CARMIL1: variants seen among roughly 807,000 people sequenced by gnomAD.
CARMIL1 encodes capping protein regulator and myosin 1 linker 1.
A neutral mutation model predicts 177.1 loss-of-function variants in CARMIL1; 90 were observed. The ratio of observed to expected loss-of-function variants is 0.51; its 90% CI spans 0.43 to 0.61. The LOEUF (loss-of-function observed/expected upper bound fraction) is 0.61, where lower values mean the gene tolerates loss of function less well. Among genes scored for constraint, CARMIL1 ranks in the 20% least tolerant of loss-of-function variants. The probability of loss-of-function intolerance (pLI) is 0.00; values close to 1 mark genes in which losing one functional copy is unlikely to be tolerated. For synonymous variants in CARMIL1, 577 were observed against 606.2 expected (o/e 0.95, Z 0.71); for missense variants, 1,380 against 1,667.0 (o/e 0.83, Z 3.00).
intron 35 of CARMIL1, among the ~76,000 whole-genome samples, chr6:25,607,629 T>C (rs1048262816): frequency 1.3e-5 from 2 of 152,200 alleles, no homozygotes; most frequent in African/African-American, 2.4e-5. Flanking sequence ...GATGCACAGC[T>C]CATCCTAATA....
At chr6:25,553,551 A>G (rs1810330316) in intron 27 of CARMIL1, among the ~76,000 whole-genome samples, 1 of 152,218 alleles carries the variant, frequency 6.6e-6, no homozygotes, top group African/African-American at 2.4e-5. Flanking sequence ...CAGTTATGGT[A>G]TCATTTGATT....
At chr6:25,349,558 T>C (rs1787892898) in intron 2 of CARMIL1, among the ~76,000 whole-genome samples, 1 of 152,080 alleles carries the variant, frequency 6.6e-6, no homozygotes, top group Non-Finnish European at 1.5e-5. Flanking sequence ...ACTAAAAGGT[T>C]TTCCAGAAAA....
At chr6:25,403,176 T>A (rs1182960905) in intron 2 of CARMIL1, among the ~76,000 whole-genome samples, 4 of 152,004 alleles carry the variant, frequency 2.6e-5, no homozygotes, top group Non-Finnish European at 5.9e-5. Flanking sequence ...TGAATTGCTA[T>A]GTAATTATTT....
intron 31 of CARMIL1, among the ~76,000 whole-genome samples, chr6:25,586,698 A>C (rs1813747349): frequency 6.6e-6 from 1 of 152,184 alleles, no homozygotes. Context: ...TCCGTCTGCA[A>C]TCCCGGCACC....
chr6:25,495,504 T>G (rs1803613369), intron 16 of CARMIL1, among the ~76,000 whole-genome samples: 1 of 151,884 alleles, frequency 6.6e-6, no homozygotes, highest in African/African-American at 2.4e-5. Context: ...TATATTAACC[T>G]CTGTTCATTC....
At chr6:25,354,221 G>A (rs75352650) in intron 2 of CARMIL1, among the ~76,000 whole-genome samples, 8,523 of 151,766 alleles carry the variant, frequency 0.056, 280 homozygotes, top group Non-Finnish European at 0.088. Flanking sequence ...GTGCAGTGAT[G>A]TGATCATAGC....
At chr6:25,357,684 C>T (rs945549698) in intron 2 of CARMIL1, among the ~76,000 whole-genome samples, 4 of 152,174 alleles carry the variant, frequency 2.6e-5, no homozygotes, top group Admixed American at 6.5e-5. Flanking sequence ...GCAGTTTACT[C>T]CATCATGAGT....
chr6:25,303,669 CTG>C (rs1172521714), intron 2 of CARMIL1, among the ~76,000 whole-genome samples: 1 of 152,232 alleles, frequency 6.6e-6, no homozygotes, highest in Non-Finnish European at 1.5e-5. Context: ...CAAAGGGACT[CTG>C]TTTTAGAATT....
chr6:25,572,728 G>T (rs1423983830), intron 29 of CARMIL1, among the ~76,000 whole-genome samples: 1 of 127,404 alleles, frequency 7.8e-6, no homozygotes, highest in East Asian at 2.7e-4. Flanking sequence ...AAAAAAAAAA[G>T]GTGGACATCA....
chr6:25,587,868 A>G (rs1342848716), intron 31 of CARMIL1, among the ~76,000 whole-genome samples: 1 of 152,242 alleles, frequency 6.6e-6, no homozygotes, highest in Non-Finnish European at 1.5e-5. Context: ...CTCAGGTACC[A>G]GAATGTGCCA....
At chr6:25,570,596 G>T (rs1255604746) in intron 29 of CARMIL1, among the ~76,000 whole-genome samples, 1 of 152,184 alleles carries the variant, frequency 6.6e-6, no homozygotes, top group Non-Finnish European at 1.5e-5. Context: ...AAACTGTGCA[G>T]ATCTGGAAAA....
At chr6:25,586,394 A>G (rs1288336234) in intron 31 of CARMIL1, among the ~76,000 whole-genome samples, 8 of 131,146 alleles carry the variant, frequency 6.1e-5, no homozygotes, top group African/African-American at 1.5e-4. Flanking sequence ...ATCTCAGACA[A>G]TGGGCGGCCA....
intron 2 of CARMIL1, among the ~76,000 whole-genome samples, chr6:25,314,299 C>A (rs1784086207): frequency 7.1e-6 from 1 of 140,352 alleles, no homozygotes; most frequent in Non-Finnish European, 1.6e-5. Context: ...ATGGTGAAAC[C>A]CTGTCTCTAC....
At chr6:25,525,278 G>A (rs537901680) in intron 23 of CARMIL1, among the ~76,000 whole-genome samples, 14 of 152,248 alleles carry the variant, frequency 9.2e-5, no homozygotes, top group South Asian at 2.1e-4. Context: ...TAAGAATTAC[G>A]TCACTCTTTT....
intron 8 of CARMIL1, among the ~76,000 whole-genome samples, chr6:25,459,264 T>TTCTTTCTTTCTTTCTTTCTTTC (rs1562167758): frequency 8.1e-6 from 1 of 123,400 alleles, no homozygotes; most frequent in African/African-American, 3.1e-5. Flanking sequence ...CTTTCTTTCT[T>TTCTTTCTTTCTTTCTTTCTTTC]TCTTTTTTTT....
intron 22 of CARMIL1, among the ~76,000 whole-genome samples, chr6:25,518,566 C>A (rs1436853704): frequency 2.0e-5 from 3 of 152,182 alleles, no homozygotes; most frequent in East Asian, 1.9e-4. Flanking sequence ...TACAGACCCA[C>A]CTATGGTTAC....
intron 2 of CARMIL1, among the ~76,000 whole-genome samples, chr6:25,408,337 G>A (rs1794594673): frequency 6.7e-6 from 1 of 150,006 alleles, no homozygotes; most frequent in Non-Finnish European, 1.5e-5. Flanking sequence ...AGAGTGGGAT[G>A]CCTGAATTAG....
At chr6:25,371,744 A>G (rs946970894) in intron 2 of CARMIL1, among the ~76,000 whole-genome samples, 2 of 152,072 alleles carry the variant, frequency 1.3e-5, no homozygotes, top group African/African-American at 4.8e-5. Flanking sequence ...TTTGCTGTGC[A>G]GAAGCTTTTT....
intron 1 of CARMIL1, among the ~76,000 whole-genome samples, chr6:25,282,864 C>T (rs1305041531): frequency 6.6e-6 from 1 of 152,130 alleles, no homozygotes; most frequent in East Asian, 1.9e-4. Context: ...TCAGTGACCT[C>T]CACTAGATTG....
Sources: gnomAD v4.1 joint callset for allele counts (sites outside exome capture counted in the v4.1 genomes callset) on GRCh38, gnomAD v4.1.1 for gene constraint, MANE v1.5 for transcripts, NCBI Gene and HGNC (gene_info 2026-07-23, HGNC 2026-07-21) for gene names.